The following IHO1 variants were observed in gnomAD, a reference collection of about 807,000 sequenced individuals.
IHO1 encodes the protein interactor of HORMAD1 protein 1.
IHO1 carries 13 observed loss-of-function variants against 31.0 expected under a neutral mutation model. That is an observed-to-expected ratio of 0.42 (90% confidence interval 0.27 to 0.67). The LOEUF (loss-of-function observed/expected upper bound fraction) is 0.67. IHO1 is among the 30% of genes least tolerant of loss of function. The probability of loss-of-function intolerance (pLI) is 0.24; values close to 1 mark genes in which losing one functional copy is unlikely to be tolerated. For missense variants in IHO1, 599 were observed against 687.5 expected, an observed-to-expected ratio of 0.87 and a Z score of 1.44; for synonymous variants, 221 against 248.4, an observed-to-expected ratio of 0.89 and a Z score of 1.04.
intron 2 of IHO1, among the ~76,000 whole-genome samples, chr3:49,220,879 T>C (rs183250725): frequency 5.3e-5 from 8 of 152,040 alleles, no homozygotes; most frequent in Non-Finnish European, 8.8e-5. Flanking sequence ...AAATAAAAAA[T>C]AAAAGGTGGC....
chr3:49,201,089 G>A (rs966333804), intron 1 of IHO1, among the ~76,000 whole-genome samples: 1 of 151,676 alleles, frequency 6.6e-6, no homozygotes, highest in African/African-American at 2.4e-5. Flanking sequence ...CGCCTCCCAG[G>A]TTCACGCCAT....
intron 1 of IHO1, among the ~76,000 whole-genome samples, chr3:49,211,351 T>G (rs1273611336): frequency 6.6e-6 from 1 of 152,194 alleles, no homozygotes; most frequent in Non-Finnish European, 1.5e-5. Flanking sequence ...AGTTTTGTAG[T>G]TTTCCTCATA....
At chr3:49,224,423 A>G (rs1237723942) in intron 2 of IHO1, among the ~76,000 whole-genome samples, 4 of 152,252 alleles carry the variant, frequency 2.6e-5, no homozygotes, top group Non-Finnish European at 4.4e-5. Context: ...CAATAACTCC[A>G]TAATTTCCTT....
At chr3:49,193,008 T>C in the IHO1 span, among the ~76,000 whole-genome samples, 2 of 152,212 alleles carry the variant, frequency 1.3e-5, no homozygotes, top group African/African-American at 4.8e-5. Context: ...AATTGGGCTA[T>C]AGTCACACAA....
At chr3:49,203,182 T>G (rs1018166807) in intron 1 of IHO1, among the ~76,000 whole-genome samples, 3 of 152,110 alleles carry the variant, frequency 2.0e-5, no homozygotes, top group African/African-American at 7.2e-5. Flanking sequence ...GTTACAAGTT[T>G]GAATAAGTAA....
At chr3:49,222,354 G>A (rs1041221413) in intron 2 of IHO1, among the ~76,000 whole-genome samples, 2 of 152,156 alleles carry the variant, frequency 1.3e-5, no homozygotes, top group Non-Finnish European at 2.9e-5. Flanking sequence ...CTAGGGGAAG[G>A]GGAGGGGCAA....
At chr3:49,218,824 G>A (rs1290223036) in intron 2 of IHO1, among the ~76,000 whole-genome samples, 1 of 152,032 alleles carries the variant, frequency 6.6e-6, no homozygotes, top group African/African-American at 2.4e-5. Flanking sequence ...CCTATTCCTT[G>A]ACTAAAGCAC....
At chr3:49,199,933 ATGAGTAGGGAAAACCCTG>A (rs2107674254) in intron 1 of IHO1, 1 of 152,246 alleles carries the variant, frequency 6.6e-6, no homozygotes, top group African/African-American at 2.4e-5. Context: ...CTCTTTGATT[ATGAGTAGGGAAAACCCTG>A]TGAGGCCTCT....
chr3:49,213,402 G>A (rs577258670), intron 2 of IHO1, among the ~76,000 whole-genome samples: 4 of 152,352 alleles, frequency 2.6e-5, no homozygotes, highest in Admixed American at 6.5e-5. Flanking sequence ...GCTGATTGGT[G>A]TATCTACAAT....
intron 2 of IHO1, among the ~76,000 whole-genome samples, chr3:49,223,425 C>T (rs1338974575): frequency 6.6e-6 from 1 of 152,130 alleles, no homozygotes; most frequent in African/African-American, 2.4e-5. Flanking sequence ...AGGTGTGTGG[C>T]TTATGCCTGT....
At chr3:49,211,661 A>G (rs2046218400) in intron 1 of IHO1, 105 bp from the exon 2 acceptor site, 1 of 462,586 alleles carries the variant, frequency 2.2e-6, no homozygotes, top group South Asian at 2.8e-5. Flanking sequence ...ATTGGATGGG[A>G]ATATAGCTGC....
At chr3:49,221,066 G>A (rs1024743792) in intron 2 of IHO1, among the ~76,000 whole-genome samples, 5 of 152,060 alleles carry the variant, frequency 3.3e-5, no homozygotes, top group Non-Finnish European at 4.4e-5. Context: ...TTTACAGAGT[G>A]CTGATTGGGC....
chr3:49,213,723 T>C (rs1348335819), intron 2 of IHO1, among the ~76,000 whole-genome samples: 1 of 152,244 alleles, frequency 6.6e-6, no homozygotes, highest in Non-Finnish European at 1.5e-5. Flanking sequence ...CGGCGCAGGC[T>C]GGCTGCTCTG....
chr3:49,218,500 G>A (rs545871186), intron 2 of IHO1, among the ~76,000 whole-genome samples: 243 of 147,696 alleles, frequency 1.6e-3, no homozygotes, highest in Non-Finnish European at 2.8e-3. Flanking sequence ...TCTTGCCTCA[G>A]ACTCCCAAGT....
At position 49,226,936 on chromosome 3, in the gene IHO1, C is replaced by T. The variant is rs569995766; in HGVS notation, c.57-9612C>T. Among the ~76,000 whole-genome samples, 5 of 152,178 alleles carry T rather than the reference C, an allele frequency of 3.3e-5. No homozygotes were observed. In the East Asian group the frequency reaches 5.8e-4, roughly 18 times the overall value. Reference sequence around the variant, plus strand: ...GCTTGAAGGGGACGTAACCGATAACCTGGGGGTTTTTGTGGTCCTTTGGAG... The same window carrying T: ...GCTTGAAGGGGACGTAACCGATAACTTGGGGGTTTTTGTGGTCCTTTGGAG... On this transcript the variant is annotated intron_variant, in intron 2 of 7. Transcript: ENST00000452691.
At chr3:49,240,054 C>A (rs1217383535) in intron 3 of IHO1, among the ~76,000 whole-genome samples, 2 of 151,902 alleles carry the variant, frequency 1.3e-5, no homozygotes, top group East Asian at 3.9e-4. Context: ...CTTTTCTTTT[C>A]TTTTCTTTTG....
intron 1 of IHO1, among the ~76,000 whole-genome samples, chr3:49,202,514 TGTGTGTGTGTGTGTGTGTG>T (rs2107678054): frequency 3.7e-5 from 1 of 26,782 alleles, no homozygotes; most frequent in Non-Finnish European, 9.6e-5. Flanking sequence ...TGTGTGTGTG[TGTGTGTGTGTGTGTGTGTG>T]TGTGTGTGTG....
chr3:49,232,094 T>C (rs572448584), intron 2 of IHO1, among the ~76,000 whole-genome samples: 1 of 152,358 alleles, frequency 6.6e-6, no homozygotes, highest in South Asian at 2.1e-4. Context: ...TGTTTTGCAG[T>C]GATGGATATT....
intron 2 of IHO1, among the ~76,000 whole-genome samples, chr3:49,212,895 CG>C: frequency 6.6e-6 from 1 of 152,294 alleles, no homozygotes; most frequent in South Asian, 2.1e-4. Flanking sequence ...ACTGCTGGCT[CG>C]GGCATCCTCC....
Sources: gnomAD v4.1 joint callset for allele counts (sites outside exome capture counted in the v4.1 genomes callset) on GRCh38, gnomAD v4.1.1 for gene constraint, MANE v1.5 for transcripts, NCBI Gene and HGNC (gene_info 2026-07-23, HGNC 2026-07-21) for gene names.